Variants in GRIP1 observed in about 807,000 individuals in gnomAD.
GRIP1 encodes the protein glutamate receptor-interacting protein 1.
GRIP1 carries 45 observed loss-of-function variants against 129.9 expected under a neutral mutation model. The ratio of observed to expected loss-of-function variants is 0.35; its 90% CI spans 0.27 to 0.44. GRIP1 has a LOEUF of 0.44. Ranked by LOEUF, GRIP1 falls within the 20% of genes least tolerant of loss-of-function variation. The probability of loss-of-function intolerance (pLI) is 1.00; values close to 1 mark genes in which losing one functional copy is unlikely to be tolerated. For synonymous variants in GRIP1, 530 were observed against 520.8 expected, an observed-to-expected ratio of 1.02 and a Z score of -0.24; for missense variants, 1,196 against 1,396.8, an observed-to-expected ratio of 0.86 and a Z score of 2.29.
intron 15 of GRIP1, among the ~76,000 whole-genome samples, chr12:66,412,399 G>A (rs1226013872): frequency 6.6e-6 from 1 of 152,096 alleles, no homozygotes; most frequent in Non-Finnish European, 1.5e-5. Context: ...ATAAGCAAAG[G>A]AGAAATAAGA....
intron 1 of GRIP1, among the ~76,000 whole-genome samples, chr12:66,831,144 G>A (rs999757878): frequency 1.3e-5 from 2 of 151,964 alleles, no homozygotes; most frequent in South Asian, 2.1e-4. Flanking sequence ...GCGAGCTACG[G>A]CACACAGCTT....
intron 1 of GRIP1, chr12:67,065,390 T>C (rs2043607888): frequency 6.6e-6 from 1 of 152,146 alleles, no homozygotes; most frequent in Non-Finnish European, 1.5e-5. Flanking sequence ...CAGTTTCATT[T>C]GTAGACCTCC....
intron 2 of GRIP1, among the ~76,000 whole-genome samples, chr12:66,570,124 T>C (rs1333831717): frequency 1.3e-5 from 2 of 152,020 alleles, no homozygotes; most frequent in Non-Finnish European, 2.9e-5. Context: ...TGTATGTATG[T>C]ATGTATATAT....
intron 7 of GRIP1, among the ~76,000 whole-genome samples, chr12:66,493,713 G>GTTA (rs1316723978): frequency 6.6e-6 from 1 of 152,178 alleles, no homozygotes; most frequent in African/African-American, 2.4e-5. Context: ...GAAGGTGAGA[G>GTTA]ACTTAGCTAA....
chr12:66,734,320 G>A (rs896930714), intron 1 of GRIP1, among the ~76,000 whole-genome samples: 4 of 152,138 alleles, frequency 2.6e-5, no homozygotes, highest in African/African-American at 9.7e-5. Flanking sequence ...CTGACAAATT[G>A]GAAGAGAACC....
intron 1 of GRIP1, among the ~76,000 whole-genome samples, chr12:66,828,263 T>A (rs2039453541): frequency 6.6e-6 from 1 of 152,158 alleles, no homozygotes. Flanking sequence ...TAGTATTAGG[T>A]TAAAGAGAGC....
chr12:66,720,061 C>G (rs1012689407), intron 1 of GRIP1, among the ~76,000 whole-genome samples: 21 of 152,116 alleles, frequency 1.4e-4, no homozygotes, highest in Admixed American at 1.0e-3. Flanking sequence ...ATTATAAATG[C>G]TGACTTATCT....
intron 1 of GRIP1, among the ~76,000 whole-genome samples, chr12:66,844,323 C>T (rs1189959749): frequency 1.3e-5 from 2 of 152,098 alleles, no homozygotes; most frequent in Admixed American, 6.6e-5. Context: ...TACAAATAGC[C>T]AATTAGCACA....
At chr12:66,724,223 C>T (rs1047450623) in intron 1 of GRIP1, among the ~76,000 whole-genome samples, 2 of 152,170 alleles carry the variant, frequency 1.3e-5, no homozygotes, top group Non-Finnish European at 2.9e-5. Flanking sequence ...GGCTGGCAGT[C>T]ATTTCTTTAC....
chr12:66,992,807 C>T (rs1417016601), intron 1 of GRIP1, among the ~76,000 whole-genome samples: 1 of 152,090 alleles, frequency 6.6e-6, no homozygotes, highest in Admixed American at 6.6e-5. Context: ...AACATACTTC[C>T]AAATAACCAA....
chr12:66,904,123 T>C (rs2040888858), intron 1 of GRIP1, among the ~76,000 whole-genome samples: 1 of 152,178 alleles, frequency 6.6e-6, no homozygotes. Context: ...TTCATACCCT[T>C]TATATAACAA....
chr12:66,371,837 G>A lies in GRIP1; in HGVS notation c.2869C>T (p.Arg957Cys), dbSNP rs766533364. The A allele has an allele frequency of 1.3e-5, 21 of 1,613,622 alleles. No individual in the cohort carries two copies. Among genetic ancestry groups the A allele is most frequent in the African/African-American group, 4.0e-5 (3 of 74,926 alleles). The change falls in exon 23 of 25, where the codon CGC (arginine) becomes TGC (cysteine). Residue 957 changes from arginine (R) to cysteine (C), a missense_variant. Arg to Cys is a radical substitution (Grantham distance 180). Around this residue, in one of 5 missense-constraint regions of GRIP1, gnomAD observed 427 missense variants for 463.3 expected, o/e 0.92. Transcript: ENST00000359742. The part of the protein sequence containing the change: ...QLGRQASFQE[R>C]SSSRPHYSQT... ...CTGTAGTGCGGCCGCGAGCTGCTGC[G>A]CTCCTGGAAGCTGGCCTGTCGCCCC...
chr12:67,022,576 C>T (rs1488609914), intron 1 of GRIP1, among the ~76,000 whole-genome samples: 7 of 152,160 alleles, frequency 4.6e-5, no homozygotes, highest in Admixed American at 2.0e-4. Flanking sequence ...ATTCTAGTTC[C>T]TTCCTGTCCT....
chr12:66,717,857 G>C (rs988724320), intron 1 of GRIP1, among the ~76,000 whole-genome samples: 1 of 152,044 alleles, frequency 6.6e-6, no homozygotes, highest in East Asian at 1.9e-4. Flanking sequence ...TCTGTGTTTT[G>C]GTTAATGCAG....
At chr12:66,751,440 A>T (rs2037123650) in intron 1 of GRIP1, among the ~76,000 whole-genome samples, 1 of 152,174 alleles carries the variant, frequency 6.6e-6, no homozygotes, top group East Asian at 1.9e-4. Context: ...AACCTCTTGC[A>T]CACACTTCAG....
chr12:66,902,851 A>G (rs559086369), intron 1 of GRIP1, among the ~76,000 whole-genome samples: 8 of 152,212 alleles, frequency 5.3e-5, no homozygotes, highest in Non-Finnish European at 1.2e-4. Context: ...GAATTATTGA[A>G]CAGTAAAGAT....
intron 1 of GRIP1, among the ~76,000 whole-genome samples, chr12:66,823,617 A>T (rs1490846554): frequency 6.6e-6 from 1 of 152,202 alleles, no homozygotes; most frequent in African/African-American, 2.4e-5. Context: ...TTGATAAAAA[A>T]AATCAGAGAC....
At chr12:66,429,826 A>C (rs373213867) in intron 14 of GRIP1, among the ~76,000 whole-genome samples, 1 of 152,280 alleles carries the variant, frequency 6.6e-6, no homozygotes, top group Non-Finnish European at 1.5e-5. Flanking sequence ...ACATATAGTA[A>C]TTCATTTAAT....
chr12:66,587,513 C>T (rs2063686799), intron 2 of GRIP1, among the ~76,000 whole-genome samples: 1 of 152,260 alleles, frequency 6.6e-6, no homozygotes, highest in African/African-American at 2.4e-5. Context: ...AGCCTGCCAG[C>T]TCCAGGAGGA....
Sources: allele counts gnomAD v4.1 joint callset (sites outside exome capture counted in the v4.1 genomes callset), GRCh38; gene constraint gnomAD v4.1.1; regional missense constraint gnomAD v4.1.1; transcripts MANE v1.5; gene names NCBI Gene and HGNC (gene_info 2026-07-23, HGNC 2026-07-21).